Variants in DHRSX observed in about 807,000 individuals in gnomAD.
DHRSX encodes the protein dehydrogenase/reductase X-linked.
DHRSX carries 31 observed loss-of-function variants against 34.0 expected under a neutral mutation model. The ratio of observed to expected loss-of-function variants is 0.91; its 90% CI spans 0.69 to 1.23. DHRSX has a LOEUF of 1.23. Ranked by LOEUF, DHRSX falls within the 50% of genes most tolerant of loss-of-function variation. The probability of loss-of-function intolerance (pLI) is 0.00; values close to 1 mark genes in which losing one functional copy is unlikely to be tolerated. For missense variants in DHRSX, 414 were observed against 428.1 expected (o/e 0.97, Z 0.29); for synonymous variants, 201 against 183.8 (o/e 1.09, Z -0.76).
chrX:2,308,887 G>GGGAA (rs756645965), intron 3 of DHRSX, among the ~76,000 whole-genome samples: 79 of 139,268 alleles, frequency 5.7e-4, no homozygotes, highest in Admixed American at 2.8e-3. Context: ...GGTGGAAACG[G>GGGAA]GGAAGGAAGG....
At chrX:2,383,937 C>A (rs1046519377) in intron 3 of DHRSX, among the ~76,000 whole-genome samples, 14 of 152,182 alleles carry the variant, frequency 9.2e-5, no homozygotes, top group African/African-American at 3.4e-4. Context: ...GCATGAAGGG[C>A]ATTCTGCCCA....
intron 1 of DHRSX, among the ~76,000 whole-genome samples, chrX:2,458,740 G>A (rs929729102): frequency 2.0e-5 from 3 of 151,980 alleles, no homozygotes; most frequent in African/African-American, 7.2e-5. Flanking sequence ...GCTCATGTCT[G>A]GAATCACAAT....
intron 2 of DHRSX, among the ~76,000 whole-genome samples, chrX:2,421,404 C>G (rs2043777804): frequency 6.6e-6 from 1 of 151,966 alleles, no homozygotes; most frequent in Non-Finnish European, 1.5e-5. Context: ...TGGGAAGAGC[C>G]ATGACATAGA....
intron 4 of DHRSX, among the ~76,000 whole-genome samples, chrX:2,283,858 A>T (rs949635160): frequency 1.3e-5 from 2 of 152,134 alleles, no homozygotes; most frequent in African/African-American, 2.4e-5. Context: ...ATTTAAATTC[A>T]CTCATTTGAA....
At chrX:2,248,657 A>AG (rs1556433678) in intron 5 of DHRSX, among the ~76,000 whole-genome samples, 10 of 145,326 alleles carry the variant, frequency 6.9e-5, no homozygotes, top group Admixed American at 1.4e-4. Flanking sequence ...AAGAAAGAAA[A>AG]GAAAAGGAAA....
At chrX:2,460,654 T>C (rs1240038042) in intron 1 of DHRSX, among the ~76,000 whole-genome samples, 1 of 150,702 alleles carries the variant, frequency 6.6e-6, no homozygotes, top group Admixed American at 6.6e-5. Flanking sequence ...TGCGATCACG[T>C]TTCACAGCAG....
chrX:2,477,169 T>G (rs1341325134), intron 1 of DHRSX, among the ~76,000 whole-genome samples: 1 of 152,112 alleles, frequency 6.6e-6, no homozygotes, highest in East Asian at 1.9e-4. Flanking sequence ...AGAAGCTGTT[T>G]CCCTGCTCTG....
intron 5 of DHRSX, among the ~76,000 whole-genome samples, chrX:2,264,996 G>A (rs1346399818): frequency 5.3e-5 from 8 of 151,448 alleles, no homozygotes; most frequent in East Asian, 1.9e-4. Context: ...GGAAGCACCA[G>A]TGCTCAGCAG....
intron 3 of DHRSX, among the ~76,000 whole-genome samples, chrX:2,320,973 G>A (rs1444484473): frequency 3.3e-5 from 5 of 152,008 alleles, no homozygotes; most frequent in African/African-American, 9.7e-5. Flanking sequence ...CGCAACATCC[G>A]GGGTTACTTA....
intron 3 of DHRSX, among the ~76,000 whole-genome samples, chrX:2,303,259 G>A (rs962754596): frequency 3.9e-5 from 6 of 152,160 alleles, no homozygotes; most frequent in African/African-American, 1.4e-4. Context: ...ATATAGTTTA[G>A]ATCTGTGTCC....
intron 5 of DHRSX, among the ~76,000 whole-genome samples, chrX:2,245,429 C>A (rs1462955444): frequency 6.6e-6 from 1 of 151,972 alleles, no homozygotes; most frequent in Non-Finnish European, 1.5e-5. Context: ...CTGCCTCAGC[C>A]TCCCGAGTAG....
chrX:2,304,953 C>T (rs1208374728), intron 3 of DHRSX, among the ~76,000 whole-genome samples: 3 of 151,996 alleles, frequency 2.0e-5, no homozygotes. Context: ...GTGGAATCAA[C>T]TCAAATGCCC....
At chrX:2,303,892 GAT>G (rs2042053352) in intron 3 of DHRSX, among the ~76,000 whole-genome samples, 1 of 132,962 alleles carries the variant, frequency 7.5e-6, no homozygotes, top group African/African-American at 2.9e-5. Context: ...TGGATGGATG[GAT>G]GGATAAATGG....
chrX:2,284,539 G>C (rs2041781703), intron 4 of DHRSX, among the ~76,000 whole-genome samples: 2 of 152,160 alleles, frequency 1.3e-5, no homozygotes, highest in Non-Finnish European at 1.5e-5. Flanking sequence ...GTATTTCTTT[G>C]GTGGTAGGAA....
At chrX:2,226,975 G>A (rs2015680199) in intron 6 of DHRSX, among the ~76,000 whole-genome samples, 1 of 151,968 alleles carries the variant, frequency 6.6e-6, no homozygotes, top group African/African-American at 2.4e-5. Flanking sequence ...AATAAGAAGG[G>A]TTCGAGTCAG....
intron 1 of DHRSX, among the ~76,000 whole-genome samples, chrX:2,485,586 G>A (rs2044872474): frequency 7.7e-6 from 1 of 130,324 alleles, no homozygotes; most frequent in African/African-American, 3.0e-5. Context: ...GAAGGAAGGA[G>A]GAAGGGAGGG....
At chrX:2,446,801 A>C (rs748568187) in intron 1 of DHRSX, among the ~76,000 whole-genome samples, 1 of 152,146 alleles carries the variant, frequency 6.6e-6, no homozygotes, top group African/African-American at 2.4e-5. Context: ...CTGTGTAGGC[A>C]CTGAAGACAT....
chrX:2,496,110 C>A lies in DHRSX; in HGVS notation c.109+4707G>T, dbSNP rs778571556. ...CGACAGGAGGAATCCGTTTCAGTGA[C>A]CTACTGCACAGCGTGGTGGCGATAG... is the stretch of plus-strand genomic sequence containing the variant. On this transcript the variant is annotated intron_variant, in intron 1 of 6. Transcript: ENST00000334651. 2.0e-5 allele frequency among the ~76,000 whole-genome samples: 3 copies of A among 152,342 alleles called. No homozygotes were observed. The South Asian group carries it at 6.2e-4, about 32-fold the overall frequency.
At chrX:2,244,310 T>C (rs953611086) in intron 5 of DHRSX, among the ~76,000 whole-genome samples, 1 of 151,936 alleles carries the variant, frequency 6.6e-6, no homozygotes, top group African/African-American at 2.4e-5. Flanking sequence ...TGCCTCTCTC[T>C]CTCTCTCTGG....
Sources: gnomAD v4.1 joint callset for allele counts (sites outside exome capture counted in the v4.1 genomes callset) on GRCh38, gnomAD v4.1.1 for gene constraint, MANE v1.5 for transcripts, NCBI Gene and HGNC (gene_info 2026-07-23, HGNC 2026-07-21) for gene names.